TSHZ3: variants seen among roughly 807,000 people sequenced by gnomAD.
The protein encoded by TSHZ3 is teashirt homolog 3.
Under a neutral mutation model 64.5 loss-of-function variants are expected in TSHZ3, and 10 were observed. That is an observed-to-expected ratio of 0.16 (90% CI 0.10 to 0.26). The LOEUF (loss-of-function observed/expected upper bound fraction) is 0.26. Among genes scored for constraint, TSHZ3 ranks in the 10% least tolerant of loss-of-function variants. The probability of loss-of-function intolerance (pLI) is 1.00; values close to 1 mark genes in which losing one functional copy is unlikely to be tolerated. For missense variants in TSHZ3, 1,242 were observed against 1,421.7 expected (o/e 0.87, Z 2.03); for synonymous variants, 608 against 593.1 (o/e 1.03, Z -0.36).
In TSHZ3 at chr19:31,278,586, C is replaced by T. The variant is rs1976298209; in HGVS notation, c.1207G>A (p.Ala403Thr). 1.9e-6 allele frequency: 3 copies of T among 1,614,174 alleles called. No homozygotes were observed. Among genetic ancestry groups the T allele is most frequent in the Non-Finnish European group, 2.5e-6 (3 of 1,180,040 alleles). Residue 403 changes from alanine to threonine, a missense_variant, in exon 2 of 2, where the codon GCC (alanine) becomes ACC (threonine). Physicochemically the swap from Ala to Thr is moderately conservative, Grantham distance 58. Around this residue, in one of 4 missense-constraint regions of TSHZ3, gnomAD observed 555 missense variants for 704.0 expected, o/e 0.79. Coordinates refer to ENST00000240587, the MANE Select transcript of TSHZ3 (RefSeq NM_020856.4). This position sits in a 1 kb window ranked among gnomAD's most constrained non-coding sequence, Gnocchi z 4.7. ...SSHDTLQELT[A>T]HMMVTGHFIK... ...AAGTGGCCAGTGACCATCATGTGGGCAGTGAGCTCCTGCAGGGTGTCATGC... is the reference window on the plus strand; with the variant it reads ...AAGTGGCCAGTGACCATCATGTGGGTAGTGAGCTCCTGCAGGGTGTCATGC...
intron 1 of TSHZ3, among the ~76,000 whole-genome samples, chr19:31,255,040 C>G (rs1402969733): frequency 6.6e-6 from 1 of 152,164 alleles, no homozygotes; most frequent in African/African-American, 2.4e-5. Flanking sequence ...AGAGGAGAGT[C>G]TGGGTTTCCT....
chr19:31,218,757 G>A (rs1975363612), intron 4 of TSHZ3, among the ~76,000 whole-genome samples: 1 of 152,216 alleles, frequency 6.6e-6, no homozygotes. Context: ...AAGGCCTGGA[G>A]AAAACTTAAA....
In TSHZ3 at chr19:31,279,156, T is replaced by C; in HGVS notation, c.637A>G (p.Lys213Glu). 1 of 1,613,004 alleles carries C rather than the reference T, an allele frequency of 6.2e-7. No homozygotes were observed. Among genetic ancestry groups the C allele is most frequent in the African/African-American group, 1.3e-5 (1 of 75,018 alleles). ...GCGCTGCAGTCCTTACAGCGGAACT[T>C]GCTGGCCCCCGTGAAGATGGAGCCA... ...LYGSIFTGAS[K>E]FRCKDCSAAY... Residue 213 changes from lysine (K) to glutamate (E), a missense_variant, in exon 2 of 2, where the codon AAG (lysine) becomes GAG (glutamate). Physicochemically the swap from Lys to Glu is moderately conservative, Grantham distance 56. Around this residue, in one of 4 missense-constraint regions of TSHZ3, gnomAD observed 555 missense variants for 704.0 expected, o/e 0.79. Transcript: ENST00000240587. The surrounding 1 kb of genome is among the most constrained non-coding windows in gnomAD (Gnocchi z 6.4).
downstream of TSHZ3, among the ~76,000 whole-genome samples, chr19:31,274,011 G>C (rs911119114): frequency 1.3e-5 from 2 of 152,186 alleles, no homozygotes; most frequent in African/African-American, 4.8e-5. Flanking sequence ...GGAATGCCGA[G>C]AGAAAACAGA....
intron 4 of TSHZ3, among the ~76,000 whole-genome samples, chr19:31,222,306 TA>T (rs1975403253): frequency 6.6e-6 from 1 of 152,196 alleles, no homozygotes; most frequent in Admixed American, 6.5e-5. Flanking sequence ...ATCCAGTATA[TA>T]TTGGAGTCCA....
intron 4 of TSHZ3, among the ~76,000 whole-genome samples, chr19:31,212,132 T>G (rs1028515622): frequency 2.6e-5 from 4 of 151,970 alleles, no homozygotes; most frequent in Non-Finnish European, 5.9e-5. Context: ...CCACACATAT[T>G]GAGTTAGTGT....
intron 1 of TSHZ3, among the ~76,000 whole-genome samples, chr19:31,307,657 C>T (rs945790309): frequency 2.6e-5 from 4 of 152,184 alleles, no homozygotes; most frequent in Non-Finnish European, 4.4e-5. Flanking sequence ...GAAATGTTAC[C>T]GAGGAAATAA....
chr19:31,277,415 G>A lies in TSHZ3; in HGVS notation c.2378C>T (p.Thr793Ile). Reference protein sequence around the residue: ...HVNNDQPIDLTKGKSDKGCSL... With the variant: ...HVNNDQPIDLIKGKSDKGCSL... ...GCAGCCTTTGTCACTCTTCCCTTTTGTCAAGTCTATGGGCTGGTCGTTGTT... is the reference window on the plus strand; with the variant it reads ...GCAGCCTTTGTCACTCTTCCCTTTTATCAAGTCTATGGGCTGGTCGTTGTT... The change falls in exon 2 of 2, where the codon ACA becomes ATA. Residue 793 changes from threonine to isoleucine, a missense_variant. Coordinates refer to ENST00000240587, the MANE Select transcript of TSHZ3 (RefSeq NM_020856.4). This position sits in a 1 kb window ranked among gnomAD's most constrained non-coding sequence, Gnocchi z 4.5. The A allele has an allele frequency of 6.2e-7, 1 of 1,614,138 alleles. No individual in the cohort carries two copies. The highest frequency in any genetic ancestry group is 1.1e-5 in the South Asian group (1 of 91,070).
chr19:31,232,835 C>T (rs1975559103), intron 3 of TSHZ3, among the ~76,000 whole-genome samples: 1 of 152,146 alleles, frequency 6.6e-6, no homozygotes, highest in Admixed American at 6.5e-5. Flanking sequence ...GCATTTGTTT[C>T]CTGTCCTGTT....
intron 3 of TSHZ3, among the ~76,000 whole-genome samples, chr19:31,229,481 T>C (rs1030144640): frequency 2.0e-5 from 3 of 151,964 alleles, no homozygotes; most frequent in African/African-American, 7.3e-5. Flanking sequence ...TCACACCACA[T>C]CCTAAAATAA....
At chr19:31,214,704 C>G (rs1975303007) in intron 4 of TSHZ3, among the ~76,000 whole-genome samples, 1 of 151,876 alleles carries the variant, frequency 6.6e-6, no homozygotes, top group African/African-American at 2.4e-5. Flanking sequence ...GCCAGGAAAT[C>G]GAGACCATCC....
chr19:31,168,631 G>A (rs1292622275), intron 5 of TSHZ3, among the ~76,000 whole-genome samples: 1 of 152,186 alleles, frequency 6.6e-6, no homozygotes, highest in Non-Finnish European at 1.5e-5. Context: ...CCACCAGCAA[G>A]CTCAACGTCT....
At chr19:31,251,550 T>G (rs1975842284) in intron 1 of TSHZ3, among the ~76,000 whole-genome samples, 2 of 152,170 alleles carry the variant, frequency 1.3e-5, no homozygotes, top group Non-Finnish European at 2.9e-5. Context: ...AAGGATTCCC[T>G]GGGAAGCAGA....
At chr19:31,269,982 G>T (rs572169172), downstream of TSHZ3, among the ~76,000 whole-genome samples, 5 of 152,250 alleles carry the variant, frequency 3.3e-5, 1 homozygote, top group South Asian at 1.0e-3. Flanking sequence ...AACAGCACAG[G>T]GACCGCCTGA....
Position 31,152,010 on chromosome 19 carries a change from G to T in TSHZ3, n.872-266C>A, listed in dbSNP as rs898091696. On this transcript the variant is annotated intron_variant and non_coding_transcript_variant, in intron 6 of 6. Coordinates refer to the TSHZ3 transcript ENST00000651361. ...AGAACAAGTTCATTTAAAATATTTTGAACTGTGCATACAATTATCACTTAA... is the reference window on the plus strand; with the variant it reads ...AGAACAAGTTCATTTAAAATATTTTTAACTGTGCATACAATTATCACTTAA... Among the ~76,000 whole-genome samples the T allele has an allele frequency of 8.6e-5, 13 of 152,004 alleles. 1 individual carries two copies. Among genetic ancestry groups the T allele is most frequent in the Non-Finnish European group, 1.6e-4 (11 of 68,004 alleles).
intron 3 of TSHZ3, among the ~76,000 whole-genome samples, chr19:31,230,361 A>G (rs1239410109): frequency 2.6e-5 from 4 of 152,206 alleles, no homozygotes; most frequent in Non-Finnish European, 5.9e-5. Flanking sequence ...CTTTAAGAGG[A>G]TAACCAAAAA....
chr19:31,228,530 A>AG (rs1338146355), intron 3 of TSHZ3, among the ~76,000 whole-genome samples: 2 of 151,574 alleles, frequency 1.3e-5, no homozygotes, highest in Middle Eastern at 3.2e-3. Context: ...TGTCTAAAAA[A>AG]AAAAAAAAAA....
chr19:31,184,034 C>T (rs376150006), intron 5 of TSHZ3, among the ~76,000 whole-genome samples: 2 of 151,932 alleles, frequency 1.3e-5, no homozygotes, highest in African/African-American at 4.8e-5. Context: ...GCCTTCAGAA[C>T]GTGACGATAT....
Position 31,235,397 on chromosome 19 carries a change from C to T in TSHZ3, n.550+6872G>A, listed in dbSNP as rs538316369. Among the ~76,000 whole-genome samples, 5 of 151,940 alleles carry T rather than the reference C, an allele frequency of 3.3e-5. No homozygotes were observed. The South Asian group carries it at 6.2e-4, about 19-fold the overall frequency. On this transcript the variant is annotated intron_variant and non_coding_transcript_variant, in intron 3 of 6. Transcript: ENST00000651361. ...GGCACCATTCTACTCTCTGTTCCTA[C>T]GAGTTCAACTGTTTTAGGTTCCACA...
Sources: gnomAD v4.1 joint callset for allele counts (sites outside exome capture counted in the v4.1 genomes callset) on GRCh38, gnomAD v4.1.1 for gene constraint, gnomAD v4.1.1 regional missense constraint, Gnocchi (gnomAD v3.1) non-coding constraint, MANE v1.5 for transcripts, NCBI Gene and HGNC (gene_info 2026-07-23, HGNC 2026-07-21) for gene names.